Variants in TNIK observed in about 807,000 individuals in gnomAD.
The protein encoded by TNIK is TRAF2 and NCK-interacting protein kinase.
Under a neutral mutation model 191.3 loss-of-function variants are expected in TNIK, and 49 were observed. The ratio of observed to expected loss-of-function variants is 0.26; its 90% CI spans 0.20 to 0.32. The LOEUF (loss-of-function observed/expected upper bound fraction) is 0.32. Ranked by LOEUF, TNIK falls within the 10% of genes least tolerant of loss-of-function variation. The probability of loss-of-function intolerance (pLI) is 1.00; values close to 1 mark genes in which losing one functional copy is unlikely to be tolerated. For synonymous variants in TNIK, 594 were observed against 600.9 expected, an observed-to-expected ratio of 0.99 and a Z score of 0.17; for missense variants, 1,155 against 1,702.3, an observed-to-expected ratio of 0.68 and a Z score of 5.66.
intron 12 of TNIK, among the ~76,000 whole-genome samples, chr3:171,143,628 TTGAGTA>T (rs1201633985): frequency 4.6e-5 from 7 of 152,350 alleles, no homozygotes; most frequent in African/African-American, 1.7e-4. Context: ...GTATGGCTAT[TTGAGTA>T]TATCTTACCA....
intron 2 of TNIK, among the ~76,000 whole-genome samples, chr3:171,317,820 T>G (rs1033613746): frequency 6.6e-6 from 1 of 152,186 alleles, no homozygotes; most frequent in Non-Finnish European, 1.5e-5. Flanking sequence ...GACAAATGTG[T>G]GCCCAAAAGG....
chr3:171,294,973 C>T (rs1052002151), intron 2 of TNIK, among the ~76,000 whole-genome samples: 2 of 149,860 alleles, frequency 1.3e-5, no homozygotes, highest in East Asian at 3.9e-4. Flanking sequence ...CAACAGAGAT[C>T]TCAAGATCAC....
Position 171,460,059 on chromosome 3 carries a change from G to T in TNIK, c.5C>A (p.Ala2Glu), listed in dbSNP as rs1729288293. Residue 2 changes from alanine to glutamate, a missense_variant, in exon 1 of 33, where the codon GCG becomes GAG. Transcript: ENST00000436636. This position sits in a 1 kb window ranked among gnomAD's most constrained non-coding sequence, Gnocchi z 6.8. M[A>E]SDSPARSLDE... ...CAGGCTTCGAGCCGGGGAGTCGCTC[G>T]CCATGTCTACTTCTTCGCTGGAGAA... 1.2e-6 allele frequency: 2 copies of T among 1,606,584 alleles called. No individual in the cohort carries two copies. The highest frequency in any genetic ancestry group is 1.1e-5 in the South Asian group (1 of 89,132).
intron 1 of TNIK, among the ~76,000 whole-genome samples, chr3:171,382,804 C>T (rs1194971241): frequency 6.6e-6 from 1 of 152,134 alleles, no homozygotes; most frequent in Non-Finnish European, 1.5e-5. Flanking sequence ...GAGAAATAAA[C>T]TTTAGTTATA....
intron 2 of TNIK, among the ~76,000 whole-genome samples, chr3:171,327,900 T>TTAAAAAAAAAAA (rs1755963954): frequency 2.5e-5 from 2 of 79,622 alleles, no homozygotes; most frequent in African/African-American, 8.2e-5. Context: ...ACCTGGCTCA[T>TTAAAAAAAAAAA]AAAAAAAAAA....
chr3:171,273,543 C>T (rs1356237403), intron 2 of TNIK, among the ~76,000 whole-genome samples: 2 of 152,156 alleles, frequency 1.3e-5, no homozygotes, highest in Non-Finnish European at 1.5e-5. Context: ...CACTTGGTTT[C>T]CTCAGCTCTT....
At chr3:171,071,462 G>T in intron 28 of TNIK, 139 bp from the exon 29 acceptor site, 1 of 701,560 alleles carries the variant, frequency 1.4e-6, no homozygotes, top group Non-Finnish European at 2.3e-6. Context: ...TGATATTCCT[G>T]GTGTGGGATT....
At chr3:171,295,673 AG>A (rs1387482387) in intron 2 of TNIK, among the ~76,000 whole-genome samples, 1 of 152,090 alleles carries the variant, frequency 6.6e-6, no homozygotes, top group Admixed American at 6.5e-5. Flanking sequence ...AGGGAAATTA[AG>A]AACATTTTAC....
chr3:171,161,140 G>A (rs190871367), intron 11 of TNIK, 130 bp downstream of exon 11: 12 of 818,702 alleles, frequency 1.5e-5, no homozygotes, highest in African/African-American at 8.6e-5. Context: ...GTATGTTCAT[G>A]GGCAATAAAT....
At chr3:171,099,448 C>G (rs1018212213) in intron 22 of TNIK, among the ~76,000 whole-genome samples, 45 of 151,710 alleles carry the variant, frequency 3.0e-4, no homozygotes, top group Non-Finnish European at 7.4e-5. Context: ...TCAGAACTTG[C>G]AATTTCAAAT....
Position 171,300,794 on chromosome 3 carries a change from G to A in TNIK, c.123+68826C>T, listed in dbSNP as rs535708589. On this transcript the variant is annotated intron_variant, in intron 2 of 32. Transcript: ENST00000436636. Reference sequence around the variant, plus strand: ...CCAGGCATGATGTTAGGCAGAAAGGGCACAAAGATGAATAGGACACATGTC... The same window carrying A: ...CCAGGCATGATGTTAGGCAGAAAGGACACAAAGATGAATAGGACACATGTC... Among the ~76,000 whole-genome samples the A allele has an allele frequency of 3.3e-5, 5 of 152,216 alleles. No individual in the cohort carries two copies. In the South Asian group the frequency reaches 1.0e-3, roughly 32 times the overall value.
chr3:171,173,264 C>T (rs1173710145), intron 9 of TNIK, among the ~76,000 whole-genome samples: 2 of 150,310 alleles, frequency 1.3e-5, no homozygotes, highest in African/African-American at 2.4e-5. Flanking sequence ...GGCATGGTGG[C>T]GGGCGCCTGT....
chr3:171,168,053 C>G (rs571608995), intron 9 of TNIK, among the ~76,000 whole-genome samples: 1 of 152,190 alleles, frequency 6.6e-6, no homozygotes, highest in East Asian at 1.9e-4. Flanking sequence ...ATAAACCCCA[C>G]GCCAGAGACC....
chr3:171,344,722 G>A (rs187850839), intron 2 of TNIK, among the ~76,000 whole-genome samples: 12 of 131,924 alleles, frequency 9.1e-5, no homozygotes, highest in South Asian at 5.5e-4. Context: ...ACAACATTAC[G>A]AAATTCTCGT....
chr3:171,087,138 TTGGTTCAGA>T (rs1488666602), intron 24 of TNIK, among the ~76,000 whole-genome samples, 195 bp downstream of exon 24: 1 of 152,226 alleles, frequency 6.6e-6, no homozygotes, highest in Non-Finnish European at 1.5e-5. Context: ...GAAACAGGTA[TTGGTTCAGA>T]TGATATCTGA....
chr3:171,356,845 AAAT>A (rs1714153165), intron 2 of TNIK, among the ~76,000 whole-genome samples: 1 of 152,200 alleles, frequency 6.6e-6, no homozygotes, highest in African/African-American at 2.4e-5. Context: ...AGGTCAAATG[AAAT>A]AATGAATATG....
intron 2 of TNIK, among the ~76,000 whole-genome samples, chr3:171,315,042 C>A (rs948591129): frequency 1.3e-5 from 2 of 152,126 alleles, no homozygotes; most frequent in Non-Finnish European, 2.9e-5. Context: ...CACAAACCCC[C>A]CCTCCTGCTT....
chr3:171,318,361 T>A (rs1052779844), intron 2 of TNIK, among the ~76,000 whole-genome samples: 1 of 152,182 alleles, frequency 6.6e-6, no homozygotes, highest in Non-Finnish European at 1.5e-5. Flanking sequence ...GTCCAAGTAA[T>A]CATTTTCCAA....
At chr3:171,129,176 A>G (rs546734365) in intron 15 of TNIK, among the ~76,000 whole-genome samples, 1 of 152,332 alleles carries the variant, frequency 6.6e-6, no homozygotes, top group South Asian at 2.1e-4. Context: ...TTGTGATATT[A>G]TCTTACTGAT....
Sources: gnomAD v4.1 joint callset for allele counts (sites outside exome capture counted in the v4.1 genomes callset) on GRCh38, gnomAD v4.1.1 for gene constraint, Gnocchi (gnomAD v3.1) non-coding constraint, MANE v1.5 for transcripts, NCBI Gene and HGNC (gene_info 2026-07-23, HGNC 2026-07-21) for gene names.